Variants in CNTN5 observed in about 807,000 individuals in gnomAD.
CNTN5 encodes contactin 5, also known as contactin-5.
CNTN5 carries 77 observed loss-of-function variants against 129.1 expected under a neutral mutation model. That is an observed-to-expected ratio of 0.60 (90% CI 0.50 to 0.72). The LOEUF is 0.72. Ranked by LOEUF, CNTN5 falls within the 30% of genes least tolerant of loss-of-function variation. The probability of loss-of-function intolerance (pLI) is 0.00; values close to 1 mark genes in which losing one functional copy is unlikely to be tolerated. For synonymous variants in CNTN5, 509 were observed against 465.6 expected (o/e 1.09, Z -1.20); for missense variants, 1,478 against 1,328.8 (o/e 1.11, Z -1.75).
intron 18 of CNTN5, among the ~76,000 whole-genome samples, chr11:100,292,218 A>G (rs933866274): frequency 3.9e-5 from 6 of 152,082 alleles, no homozygotes; most frequent in Non-Finnish European, 8.8e-5. Flanking sequence ...TTCCACTTAG[A>G]TGGTACAATT....
chr11:99,663,988 T>A (rs79039931), intron 3 of CNTN5, among the ~76,000 whole-genome samples: 21,723 of 152,132 alleles, frequency 0.14, 1,739 homozygotes, highest in East Asian at 0.28. Context: ...CTGTTGTGTA[T>A]ATCTTAAGGT....
chr11:100,008,131 A>C (rs1333628454), intron 9 of CNTN5, among the ~76,000 whole-genome samples: 1 of 152,092 alleles, frequency 6.6e-6, no homozygotes, highest in African/African-American at 2.4e-5. Flanking sequence ...TTACAATAAT[A>C]ACATTGAAAG....
chr11:100,017,545 A>G (rs933245316), intron 9 of CNTN5, among the ~76,000 whole-genome samples: 5 of 152,008 alleles, frequency 3.3e-5, no homozygotes, highest in African/African-American at 1.2e-4. Flanking sequence ...ATTGGCATAT[A>G]TAAACACTAA....
chr11:99,073,947 C>T (rs578246528), intron 1 of CNTN5, among the ~76,000 whole-genome samples: 1 of 152,132 alleles, frequency 6.6e-6, no homozygotes, highest in Admixed American at 6.5e-5. Context: ...TGAGGAATCA[C>T]CACACTGTCT....
intron 2 of CNTN5, among the ~76,000 whole-genome samples, chr11:99,420,647 A>G (rs1390097805): frequency 6.6e-6 from 1 of 152,164 alleles, no homozygotes; most frequent in Non-Finnish European, 1.5e-5. Flanking sequence ...AAAGGATTAA[A>G]TAAGATTACG....
At chr11:99,292,304 G>A (rs538547734) in intron 1 of CNTN5, among the ~76,000 whole-genome samples, 54 of 151,100 alleles carry the variant, frequency 3.6e-4, no homozygotes, top group African/African-American at 1.3e-3. Flanking sequence ...TTGAAAGGTA[G>A]GGAATCACTG....
intron 2 of CNTN5, among the ~76,000 whole-genome samples, chr11:99,479,813 A>C (rs1945520690): frequency 1.3e-5 from 2 of 152,104 alleles, no homozygotes; most frequent in African/African-American, 4.8e-5. Context: ...AAGAAAAAAA[A>C]ACATTTTATA....
rs1364632953 is a variant in CNTN5 at position 99,981,094 on chromosome 11, A to ATATATATATATATATATATATATG, written c.878-20930_878-20929insTATATATATATATGTATATATATA. ...GCCAATAGGATATATATATATATATATATATATATACACACACACACACAT... is the reference window on the plus strand; with the variant it reads ...GCCAATAGGATATATATATATATATATATATATATATATATATATATATGTATATATATACACACACACACACAT... On this transcript the variant is annotated intron_variant, in intron 8 of 24. Transcript: ENST00000524871. 8.6e-5 allele frequency among the ~76,000 whole-genome samples: 7 copies of ATATATATATATATATATATATATG among 81,234 alleles called. No individual in the cohort carries two copies. In the East Asian group the frequency reaches 2.1e-3, roughly 25 times the overall value. The allele number at this position is 81,234 out of a possible 152,430, so 53.3% of individuals were successfully genotyped here.
intron 2 of CNTN5, among the ~76,000 whole-genome samples, chr11:99,366,487 C>A (rs1002442682): frequency 1.3e-5 from 2 of 152,102 alleles, no homozygotes; most frequent in African/African-American, 4.8e-5. Context: ...AGGAAGGTCT[C>A]CACTGATATC....
chr11:99,535,574 G>T (rs568279971), intron 2 of CNTN5, among the ~76,000 whole-genome samples: 1 of 152,152 alleles, frequency 6.6e-6, no homozygotes, highest in Non-Finnish European at 1.5e-5. Flanking sequence ...TAAGACCTAG[G>T]CATGAGAATG....
At chr11:100,144,483 G>C (rs1015046553) in intron 13 of CNTN5, among the ~76,000 whole-genome samples, 2 of 151,930 alleles carry the variant, frequency 1.3e-5, no homozygotes, top group African/African-American at 4.8e-5. Context: ...TGATTTTCTA[G>C]ATTAAATAAG....
chr11:99,889,328 G>T (rs922832019), intron 6 of CNTN5, among the ~76,000 whole-genome samples: 1,396 of 32,722 alleles, frequency 0.043, 52 homozygotes, highest in African/African-American at 0.17. Context: ...GTGTGTGTGT[G>T]TGTGTGTGTG....
At chr11:99,845,396 G>A (rs1258845924) in intron 6 of CNTN5, 134 bp downstream of exon 6, 4 of 404,658 alleles carry the variant, frequency 9.9e-6, no homozygotes, top group Non-Finnish European at 1.1e-5. Context: ...TTTTTGAGGC[G>A]GAGTCTCGCT....
intron 13 of CNTN5, among the ~76,000 whole-genome samples, chr11:100,083,987 A>C (rs1055141535): frequency 3.9e-5 from 6 of 152,058 alleles, no homozygotes; most frequent in African/African-American, 1.4e-4. Context: ...CAGTTAATTT[A>C]AGCTGTAAAT....
intron 7 of CNTN5, among the ~76,000 whole-genome samples, chr11:99,936,477 C>T (rs965890988): frequency 3.5e-5 from 5 of 143,108 alleles, no homozygotes; most frequent in South Asian, 2.3e-4. Flanking sequence ...CTGCCTGCTA[C>T]GTGCTTAGCA....
intron 6 of CNTN5, among the ~76,000 whole-genome samples, chr11:99,888,805 G>A (rs556860123): frequency 6.6e-6 from 1 of 152,322 alleles, no homozygotes; most frequent in African/African-American, 2.4e-5. Flanking sequence ...GAACAGTTGA[G>A]CTTACATACT....
chr11:100,098,408 A>G (rs1032898645), intron 13 of CNTN5, among the ~76,000 whole-genome samples: 2 of 152,068 alleles, frequency 1.3e-5, no homozygotes, highest in African/African-American at 4.8e-5. Flanking sequence ...GATAATTTCA[A>G]TAATAAGAAA....
intron 13 of CNTN5, among the ~76,000 whole-genome samples, chr11:100,092,371 T>C (rs545168056): frequency 6.6e-5 from 10 of 152,270 alleles, no homozygotes; most frequent in African/African-American, 2.4e-4. Context: ...TAAATGCTAA[T>C]ATTCAGAAAA....
intron 3 of CNTN5, among the ~76,000 whole-genome samples, chr11:99,703,776 T>G (rs1008312563): frequency 6.6e-6 from 1 of 151,030 alleles, no homozygotes; most frequent in Non-Finnish European, 1.5e-5. Flanking sequence ...ATTTGATCAT[T>G]TAACACAGAT....
Sources: gnomAD v4.1 joint callset for allele counts (sites outside exome capture counted in the v4.1 genomes callset) on GRCh38, gnomAD v4.1.1 for gene constraint, MANE v1.5 for transcripts, NCBI Gene and HGNC (gene_info 2026-07-23, HGNC 2026-07-21) for gene names.